GRM5: variants seen among roughly 807,000 people sequenced by gnomAD.
GRM5 encodes the protein glutamate metabotropic receptor 5.
Under a neutral mutation model 83.1 loss-of-function variants are expected in GRM5, and 19 were observed. The observed-to-expected ratio is 0.23, with a 90% CI of 0.16 to 0.34. GRM5 has a LOEUF of 0.34. Ranked by LOEUF, GRM5 falls within the 10% of genes least tolerant of loss-of-function variation. The pLI is 1.00. For synonymous variants in GRM5, 675 were observed against 633.6 expected, an observed-to-expected ratio of 1.07 and a Z score of -0.98; for missense variants, 1,160 against 1,588.3, an observed-to-expected ratio of 0.73 and a Z score of 4.58.
chr11:88,720,840 G>T (rs1941520753), intron 3 of GRM5, among the ~76,000 whole-genome samples: 1 of 149,692 alleles, frequency 6.7e-6, no homozygotes, highest in Admixed American at 6.7e-5. Flanking sequence ...GTGTGTGTGT[G>T]TGTGCCTGTA....
chr11:88,822,005 G>A (rs1451933590), intron 3 of GRM5, among the ~76,000 whole-genome samples: 1 of 149,160 alleles, frequency 6.7e-6, no homozygotes, highest in Non-Finnish European at 1.5e-5. Flanking sequence ...TCATTTCAGT[G>A]GAAGTTTTTA....
chr11:89,037,336 C>T (rs1330581872), intron 2 of GRM5, among the ~76,000 whole-genome samples: 3 of 152,004 alleles, frequency 2.0e-5, no homozygotes, highest in Non-Finnish European at 2.9e-5. Context: ...ACTAGAAACT[C>T]GCCTGACCTC....
chr11:89,032,545 TGAG>T (rs991199026), intron 2 of GRM5, among the ~76,000 whole-genome samples: 1 of 152,046 alleles, frequency 6.6e-6, no homozygotes, highest in African/African-American at 2.4e-5. Context: ...TTTCTAAAAA[TGAG>T]GAGGTTAAAA....
rs1285926769 is a variant in GRM5 at position 88,919,249 on chromosome 11, TA to T, written c.662-69095del. Among the ~76,000 whole-genome samples the T allele has an allele frequency of 1.5e-4, 13 of 84,758 alleles. 4 individuals carry two copies. Among genetic ancestry groups the T allele is most frequent in the East Asian group, 3.0e-4 (1 of 3,358 alleles). 55.6% of individuals were successfully genotyped at this position (84,758 alleles called of 152,430 possible). On this transcript the variant is annotated intron_variant, in intron 2 of 9. Coordinates refer to ENST00000305447, the MANE Select transcript of GRM5 (RefSeq NM_001143831.3). ...AACAGCAGGAGTAGCTATATATATA[TA>T]TATATATCGGATAAAATAGATTTTA...
At chr11:88,995,674 AT>A (rs1940164150) in intron 2 of GRM5, among the ~76,000 whole-genome samples, 1 of 152,066 alleles carries the variant, frequency 6.6e-6, no homozygotes, top group African/African-American at 2.4e-5. Flanking sequence ...CTTGACAACT[AT>A]GATGGCTGCT....
chr11:88,980,203 A>C, intron 2 of GRM5, among the ~76,000 whole-genome samples: 1 of 152,228 alleles, frequency 6.6e-6, no homozygotes, highest in Non-Finnish European at 1.5e-5. Context: ...TGGAAATATT[A>C]ATCAGAAATA....
At chr11:88,806,299 G>A (rs1386912768) in intron 3 of GRM5, among the ~76,000 whole-genome samples, 1 of 152,116 alleles carries the variant, frequency 6.6e-6, no homozygotes, top group Non-Finnish European at 1.5e-5. Flanking sequence ...ACAGTCTGTA[G>A]TTTCAGAAAT....
At chr11:89,062,707 G>A (rs1227114717) in intron 1 of GRM5, among the ~76,000 whole-genome samples, 2 of 152,228 alleles carry the variant, frequency 1.3e-5, no homozygotes, top group Admixed American at 6.5e-5. Flanking sequence ...AAGGAAATGA[G>A]GGCAGCTGTA....
chr11:88,748,577 G>T (rs919685374), intron 3 of GRM5, among the ~76,000 whole-genome samples: 1 of 152,086 alleles, frequency 6.6e-6, no homozygotes, highest in East Asian at 1.9e-4. Flanking sequence ...CAGTGTACCT[G>T]CTCTACCAGA....
intron 3 of GRM5, among the ~76,000 whole-genome samples, chr11:88,681,711 C>T (rs1259363499): frequency 6.6e-6 from 1 of 151,072 alleles, no homozygotes; most frequent in African/African-American, 2.4e-5. Flanking sequence ...GCTGGGATTA[C>T]AGGTGCCCAT....
intron 2 of GRM5, among the ~76,000 whole-genome samples, chr11:88,894,250 TA>T (rs1274701098): frequency 1.3e-5 from 2 of 152,002 alleles, no homozygotes; most frequent in African/African-American, 4.8e-5. Context: ...AAGCCCTGTG[TA>T]AATCAGACAC....
intron 2 of GRM5, among the ~76,000 whole-genome samples, chr11:88,858,515 G>T (rs931466516): frequency 6.6e-6 from 1 of 151,968 alleles, no homozygotes; most frequent in Non-Finnish European, 1.5e-5. Flanking sequence ...AAGAGCAAAG[G>T]TACATGTTGA....
chr11:88,673,042 G>A (rs1940230915), intron 3 of GRM5, among the ~76,000 whole-genome samples: 1 of 151,920 alleles, frequency 6.6e-6, no homozygotes, highest in Admixed American at 6.6e-5. Flanking sequence ...ATTTTTTTAT[G>A]TAAGGAAAAT....
intron 3 of GRM5, among the ~76,000 whole-genome samples, chr11:88,679,977 T>C (rs1940436398): frequency 6.6e-6 from 1 of 152,162 alleles, no homozygotes; most frequent in African/African-American, 2.4e-5. Context: ...CAACTTCAAT[T>C]ATTAAACCAC....
intron 8 of GRM5, among the ~76,000 whole-genome samples, chr11:88,566,604 G>T (rs549952650): frequency 6.6e-6 from 1 of 152,172 alleles, no homozygotes; most frequent in Admixed American, 6.5e-5. Context: ...CTTGAATAAG[G>T]TTTAGGCACG....
intron 2 of GRM5, among the ~76,000 whole-genome samples, chr11:88,919,506 A>G (rs1207824998): frequency 2.0e-5 from 3 of 151,342 alleles, no homozygotes; most frequent in African/African-American, 4.8e-5. Flanking sequence ...ACAGGAAATC[A>G]ATAAAGAAAT....
chr11:89,034,903 A>G (rs752877912), intron 2 of GRM5, among the ~76,000 whole-genome samples: 41 of 150,128 alleles, frequency 2.7e-4, no homozygotes, highest in South Asian at 8.4e-4. Context: ...GCTGTTATCA[A>G]TTTTATATAA....
chr11:88,876,199 A>G (rs1016081449), intron 2 of GRM5, among the ~76,000 whole-genome samples: 3 of 152,066 alleles, frequency 2.0e-5, no homozygotes, highest in African/African-American at 7.2e-5. Context: ...CAACCTCTAC[A>G]ATAGTATTTG....
Position 88,567,268 on chromosome 11 carries a change from C to A in GRM5, c.2415G>T (p.Ser805=). Residue 805 remains serine, a synonymous_variant, in exon 8 of 10, where the codon TCG becomes TCT. Transcript: ENST00000305447. This position sits in a 1 kb window ranked among gnomAD's most constrained non-coding sequence, Gnocchi z 7.3. ...GGGCCACTGTGGCACTGAGGCTGAC[C>A]GAGAAACACATGGTGATGATTTTGT... is the stretch of plus-strand genomic sequence containing the variant. ...SNYKIITMCF[S]VSLSATVALG... is the part of the protein sequence containing the mutation. 6.2e-7 allele frequency: 1 copy of A among 1,613,888 alleles called. No individual in the cohort carries two copies. The highest frequency in any genetic ancestry group is 8.5e-7 in the Non-Finnish European group (1 of 1,179,862).
Sources: gnomAD v4.1 joint callset for allele counts (sites outside exome capture counted in the v4.1 genomes callset) on GRCh38, gnomAD v4.1.1 for gene constraint, Gnocchi (gnomAD v3.1) non-coding constraint, MANE v1.5 for transcripts, NCBI Gene and HGNC (gene_info 2026-07-23, HGNC 2026-07-21) for gene names.